The following SRGAP1 variants were observed in gnomAD, a reference collection of about 807,000 sequenced individuals.
SRGAP1 encodes SLIT-ROBO Rho GTPase activating protein 1.
SRGAP1 carries 43 observed loss-of-function variants against 121.9 expected under a neutral mutation model. The ratio of observed to expected loss-of-function variants is 0.35; its 90% CI spans 0.28 to 0.46. SRGAP1 has a LOEUF of 0.46. Ranked by LOEUF, SRGAP1 falls within the 20% of genes least tolerant of loss-of-function variation. The pLI is 1.00. For synonymous variants in SRGAP1, 447 were observed against 485.4 expected (o/e 0.92, Z 1.04); for missense variants, 1,102 against 1,350.9 (o/e 0.82, Z 2.89).
intron 1 of SRGAP1, among the ~76,000 whole-genome samples, chr12:63,903,698 G>A (rs1332219568): frequency 6.6e-6 from 1 of 152,072 alleles, no homozygotes; most frequent in Non-Finnish European, 1.5e-5. Context: ...GCAGTGGTGT[G>A]GTCTTGGCTT....
intron 3 of SRGAP1, among the ~76,000 whole-genome samples, chr12:64,007,704 A>G (rs79303676): frequency 0.026 from 3,899 of 152,282 alleles, 188 homozygotes; most frequent in African/African-American, 0.089. Context: ...GTTAAGACCA[A>G]TTGGAGGAAC....
At chr12:64,116,255 CAAAAA>C (rs35619316) in intron 18 of SRGAP1, among the ~76,000 whole-genome samples, 3 of 72,664 alleles carry the variant, frequency 4.1e-5, no homozygotes, top group Admixed American at 1.6e-4. Context: ...GACCTCATCT[CAAAAA>C]AAAAAAAAAA....
intron 12 of SRGAP1, among the ~76,000 whole-genome samples, chr12:64,092,215 T>C (rs1380968128): frequency 6.6e-6 from 1 of 152,138 alleles, no homozygotes; most frequent in Non-Finnish European, 1.5e-5. Context: ...CAAATACACA[T>C]TTAATACTGG....
intron 6 of SRGAP1, among the ~76,000 whole-genome samples, chr12:64,057,891 C>A (rs1212732033): frequency 2.6e-5 from 4 of 152,180 alleles, no homozygotes; most frequent in Admixed American, 6.6e-5. Flanking sequence ...TCCAGTTACT[C>A]CAGTGCAACC....
chr12:63,969,034 C>T (rs970884144), intron 1 of SRGAP1, among the ~76,000 whole-genome samples: 4 of 152,172 alleles, frequency 2.6e-5, no homozygotes, highest in African/African-American at 9.7e-5. Context: ...TACTGTGGGT[C>T]GGTGTGGAAA....
chr12:63,991,773 A>C (rs539555188), intron 3 of SRGAP1, among the ~76,000 whole-genome samples: 1 of 152,290 alleles, frequency 6.6e-6, no homozygotes, highest in South Asian at 2.1e-4. Flanking sequence ...GCACTATATA[A>C]TGCTTCTTAT....
In SRGAP1 at chr12:63,999,959, G is replaced by T. The variant is rs74964680; in HGVS notation, c.426+9887G>T. Among the ~76,000 whole-genome samples, 1,161 of 152,262 alleles carry T rather than the reference G, an allele frequency of 7.6e-3. 13 individuals are homozygous for T. The highest frequency in any genetic ancestry group is 0.026 in the African/African-American group (1,087 of 41,542). ...AAATGACTGAGAAGGATCAGCCAGA[G>T]AGGTGAGAAGAAACGCAGGTCAGTG... On this transcript the variant is annotated intron_variant, in intron 3 of 21. Transcript: ENST00000355086.
intron 1 of SRGAP1, among the ~76,000 whole-genome samples, chr12:63,891,793 C>G (rs1391421811): frequency 2.0e-5 from 3 of 151,902 alleles, no homozygotes; most frequent in Non-Finnish European, 4.4e-5. Flanking sequence ...TCGAGACCAG[C>G]CTGGCCAACA....
At chr12:63,911,558 A>T (rs2030506630) in intron 1 of SRGAP1, among the ~76,000 whole-genome samples, 1 of 152,160 alleles carries the variant, frequency 6.6e-6, no homozygotes, top group Non-Finnish European at 1.5e-5. Flanking sequence ...CTGCTAAATT[A>T]AGATAAACTC....
At chr12:64,088,461 A>G (rs1336987792) in intron 11 of SRGAP1, among the ~76,000 whole-genome samples, 1 of 152,224 alleles carries the variant, frequency 6.6e-6, no homozygotes, top group Non-Finnish European at 1.5e-5. Context: ...ATTGCCAAAT[A>G]GACTAGATAT....
intron 1 of SRGAP1, among the ~76,000 whole-genome samples, chr12:63,925,021 A>G (rs555044522): frequency 1.3e-5 from 2 of 152,300 alleles, no homozygotes; most frequent in Non-Finnish European, 2.9e-5. Flanking sequence ...TCATTTTGGC[A>G]TGGTACAGGA....
chr12:64,108,861 C>G (rs1592329256), intron 15 of SRGAP1, 71 bp from the exon 16 acceptor site: 2 of 1,043,826 alleles, frequency 1.9e-6, no homozygotes, highest in Middle Eastern at 2.1e-4. Flanking sequence ...ACCGGTAATA[C>G]ATGTACTGCA....
chr12:63,894,290 A>C (rs571737677), intron 1 of SRGAP1, among the ~76,000 whole-genome samples: 28 of 152,140 alleles, frequency 1.8e-4, no homozygotes, highest in Non-Finnish European at 3.1e-4. Flanking sequence ...TCATCAGAGT[A>C]GTTAAAATTG....
chr12:63,963,061 T>C (rs1391401026), intron 1 of SRGAP1, among the ~76,000 whole-genome samples: 1 of 152,210 alleles, frequency 6.6e-6, no homozygotes, highest in South Asian at 2.1e-4. Flanking sequence ...ATTTATAGCT[T>C]ATATACTATT....
intron 12 of SRGAP1, among the ~76,000 whole-genome samples, chr12:64,094,022 C>T (rs2036105986): frequency 1.3e-5 from 2 of 152,128 alleles, no homozygotes; most frequent in Non-Finnish European, 2.9e-5. Flanking sequence ...GAATTAATAC[C>T]TGATGTCAGC....
Position 64,137,818 on chromosome 12 carries a change from G to A in SRGAP1, c.2881-4477G>A, listed in dbSNP as rs73321381. On this transcript the variant is annotated intron_variant, in intron 21 of 21. Transcript: ENST00000355086. The stretch of plus-strand genomic sequence containing the variant: ...TAGGGAAATCAGTTACCATTAAACC[G>A]TGCCATGAGGGGTATGCTCCAGATG... Among the ~76,000 whole-genome samples, 341 of 151,938 alleles carry A rather than the reference G, an allele frequency of 2.2e-3. 2 individuals are homozygous for A. The highest frequency in any genetic ancestry group is 7.6e-3 in the African/African-American group (315 of 41,454).
At chr12:64,097,188 G>A (rs1403952964) in intron 14 of SRGAP1, 53 bp from the exon 15 acceptor site, 20 of 1,527,484 alleles carry the variant, frequency 1.3e-5, no homozygotes, top group Non-Finnish European at 1.7e-5. Context: ...ATATATTTTT[G>A]TTCAGAGAAA....
At chr12:63,933,935 G>A (rs1029748807) in intron 1 of SRGAP1, among the ~76,000 whole-genome samples, 2 of 152,122 alleles carry the variant, frequency 1.3e-5, no homozygotes, top group African/African-American at 4.8e-5. Flanking sequence ...AAAAGGACAA[G>A]CCACTTACTA....
intron 17 of SRGAP1, among the ~76,000 whole-genome samples, chr12:64,114,853 T>C (rs1362410567): frequency 2.0e-5 from 3 of 152,230 alleles, no homozygotes; most frequent in Non-Finnish European, 4.4e-5. Context: ...TATCTTTTTC[T>C]ATGGGTATTG....
Sources: gnomAD v4.1 joint callset for allele counts (sites outside exome capture counted in the v4.1 genomes callset) on GRCh38, gnomAD v4.1.1 for gene constraint, MANE v1.5 for transcripts, NCBI Gene and HGNC (gene_info 2026-07-23, HGNC 2026-07-21) for gene names.